Variants in SIN3A observed in about 807,000 individuals in gnomAD.
The protein encoded by SIN3A is paired amphipathic helix protein Sin3a.
SIN3A carries 14 observed loss-of-function variants against 146.1 expected under a neutral mutation model. The ratio of observed to expected loss-of-function variants is 0.10; its 90% CI spans 0.06 to 0.15. The LOEUF is 0.15. SIN3A is among the 10% of genes least tolerant of loss of function. The pLI is 1.00. For missense variants in SIN3A, 1,028 were observed against 1,576.0 expected, an observed-to-expected ratio of 0.65 and a Z score of 5.89; for synonymous variants, 572 against 572.0, an observed-to-expected ratio of 1.00 and a Z score of 0.00.
At chr15:75,455,234 G>A (rs2074472380), upstream of SIN3A, among the ~76,000 whole-genome samples, 1 of 152,048 alleles carries the variant, frequency 6.6e-6, no homozygotes, top group East Asian at 1.9e-4. Flanking sequence ...GCGGGCCCCG[G>A]CTCGCTCGCT....
rs551329166 is a variant in SIN3A, at chr15:75,441,448, G to A, written c.-34+9975C>T. Among the ~76,000 whole-genome samples, 5 of 152,248 alleles carry A rather than the reference G, an allele frequency of 3.3e-5. No homozygotes were observed. In the South Asian group the frequency reaches 1.0e-3, roughly 32 times the overall value. The stretch of plus-strand genomic sequence containing the variant: ...AGCTTCCTAAGTAGCTGGGACTACA[G>A]AGTGGCTAATAAGAAAAAAATTTTT... On this transcript the variant is annotated intron_variant, in intron 1 of 20. Coordinates refer to ENST00000394947, the MANE Select transcript of SIN3A (RefSeq NM_001145358.2).
intron 10 of SIN3A, 33 bp from the exon 11 acceptor site, chr15:75,400,973 T>A: frequency 1.3e-6 from 2 of 1,491,246 alleles, no homozygotes; most frequent in South Asian, 1.1e-5. Context: ...GACAAGCAAT[T>A]AGGGGCAGGA....
chr15:75,406,960 G>T, intron 9 of SIN3A, 95 bp downstream of exon 9: 1 of 789,468 alleles, frequency 1.3e-6, no homozygotes, highest in Non-Finnish European at 2.1e-6. Flanking sequence ...GTCCTAATTA[G>T]CCTGACACCT....
chr15:75,396,796 T>C (rs990608184), intron 12 of SIN3A, among the ~76,000 whole-genome samples: 16 of 152,194 alleles, frequency 1.1e-4, no homozygotes, highest in Non-Finnish European at 1.3e-4. Flanking sequence ...CCGTCGCTGC[T>C]GCCGCCACCA....
At chr15:75,454,555 GC>G (rs1466820570), upstream of SIN3A, among the ~76,000 whole-genome samples, 5 of 150,962 alleles carry the variant, frequency 3.3e-5, no homozygotes, top group African/African-American at 1.2e-4. Flanking sequence ...TGACAGGCGC[GC>G]CCCCCGCGCC....
At chr15:75,449,712 CATAAA>C (rs1164030121) in intron 1 of SIN3A, among the ~76,000 whole-genome samples, 1 of 152,108 alleles carries the variant, frequency 6.6e-6, no homozygotes, top group Non-Finnish European at 1.5e-5. Context: ...AACATAAGTA[CATAAA>C]ATAAAAAAGA....
At chr15:75,439,849 T>A (rs542489533) in intron 1 of SIN3A, among the ~76,000 whole-genome samples, 1 of 152,038 alleles carries the variant, frequency 6.6e-6, no homozygotes, top group African/African-American at 2.4e-5. Context: ...GCTCATTAAA[T>A]CTGTAAAAAT....
At chr15:75,401,398 G>A (rs1374315185) in intron 10 of SIN3A, among the ~76,000 whole-genome samples, 2 of 152,044 alleles carry the variant, frequency 1.3e-5, no homozygotes, top group Non-Finnish European at 2.9e-5. Context: ...CGGGCGTGTG[G>A]TGACAGGCAC....
upstream of SIN3A, chr15:75,455,093 C>T (rs982143452): frequency 2.0e-4 from 31 of 151,226 alleles, no homozygotes; most frequent in African/African-American, 7.5e-4. Context: ...CCCCAGAGTC[C>T]ATAACAACCG....
intron 2 of SIN3A, 190 bp downstream of exon 2, chr15:75,429,997 G>A (rs1408452667): frequency 5.3e-6 from 3 of 564,904 alleles, no homozygotes; most frequent in Non-Finnish European, 9.3e-6. Context: ...GATACGCAGG[G>A]AACTTCAAAG....
intron 19 of SIN3A, among the ~76,000 whole-genome samples, chr15:75,378,015 C>T (rs2072895525): frequency 6.6e-6 from 1 of 152,170 alleles, no homozygotes; most frequent in Non-Finnish European, 1.5e-5. Flanking sequence ...TTGACAGCTT[C>T]CCAATACTTA....
At chr15:75,428,686 C>G (rs752707722) in intron 2 of SIN3A, among the ~76,000 whole-genome samples, 1 of 151,958 alleles carries the variant, frequency 6.6e-6, no homozygotes, top group African/African-American at 2.4e-5. Context: ...TTAGGAGAGA[C>G]GGGGCTTGCT....
In SIN3A at chr15:75,384,501, C is replaced by T. The variant is rs531714384; in HGVS notation, c.3022-64G>A. On this transcript the variant is annotated intron_variant, in intron 16 of 20. Transcript: ENST00000394947. ...AAACATTTCTCCATTATACAGTCAA[C>T]GTTCCTTTGATGTAGTCATTCAACT... is the stretch of plus-strand genomic sequence containing the variant. 1.1e-3 allele frequency: 1,015 copies of T among 965,596 alleles called. 1 individual carries two copies. Among genetic ancestry groups the T allele is most frequent in the Non-Finnish European group, 1.2e-3 (954 of 774,330 alleles). 59.8% of individuals were successfully genotyped at this position (965,596 alleles called of 1,614,324 possible). A position where few individuals can be genotyped will look rare whatever the true frequency, so the allele number is the denominator to read the frequency against.
intron 6 of SIN3A, 42 bp downstream of exon 6, chr15:75,411,450 G>C (rs770984086): frequency 1.3e-6 from 2 of 1,578,344 alleles, no homozygotes; most frequent in South Asian, 1.2e-5. Flanking sequence ...GATGCCCTAA[G>C]AGGGTGACCT....
At chr15:75,447,858 A>G (rs2074334376) in intron 1 of SIN3A, 2 of 152,304 alleles carry the variant, frequency 1.3e-5, no homozygotes, top group South Asian at 4.1e-4. Flanking sequence ...AAAGGGGCAA[A>G]TAAGAAATAC....
intron 13 of SIN3A, among the ~76,000 whole-genome samples, chr15:75,395,804 C>A (rs1289366659): frequency 6.6e-6 from 1 of 152,114 alleles, no homozygotes; most frequent in Non-Finnish European, 1.5e-5. Flanking sequence ...ATTCGGGAGG[C>A]TGAGGTGGGA....
At chr15:75,407,921 A>AAAAAG (rs1413863722) in intron 8 of SIN3A, among the ~76,000 whole-genome samples, 1 of 144,906 alleles carries the variant, frequency 6.9e-6, no homozygotes, top group African/African-American at 2.5e-5. Context: ...AAAAAAAAAA[A>AAAAAG]GGCACGCCAG....
chr15:75,417,310 T>C (rs1200973522), intron 3 of SIN3A, among the ~76,000 whole-genome samples: 2 of 152,110 alleles, frequency 1.3e-5, no homozygotes, highest in African/African-American at 4.8e-5. Flanking sequence ...ATATTTAAAA[T>C]TATACAAAAT....
At chr15:75,424,004 G>GA (rs557142508) in intron 2 of SIN3A, among the ~76,000 whole-genome samples, 3 of 151,440 alleles carry the variant, frequency 2.0e-5, no homozygotes, top group East Asian at 3.9e-4. Context: ...CCAAAAAGAA[G>GA]AAAAAAAATT....
Sources: allele counts gnomAD v4.1 joint callset (sites outside exome capture counted in the v4.1 genomes callset), GRCh38; gene constraint gnomAD v4.1.1; transcripts MANE v1.5; gene names NCBI Gene and HGNC (gene_info 2026-07-23, HGNC 2026-07-21).